Variants in SCARB2 observed in about 807,000 individuals in gnomAD.
The protein encoded by SCARB2 is scavenger receptor class B member 2, also known as lysosome membrane protein 2.
In SCARB2, 29 loss-of-function variants were observed where a neutral mutation model predicts 58.6. That is an observed-to-expected ratio of 0.49 (90% CI 0.37 to 0.67). SCARB2 has a LOEUF of 0.67. Ranked by LOEUF, SCARB2 falls within the 30% of genes least tolerant of loss-of-function variation. The pLI, the probability that SCARB2 is intolerant of heterozygous loss-of-function variation, is 0.00. For missense variants in SCARB2, 488 were observed against 578.5 expected (o/e 0.84, Z 1.60); for synonymous variants, 195 against 210.1 (o/e 0.93, Z 0.62).
At position 76,205,104 on chromosome 4, in the gene SCARB2, T is replaced by C. The variant is rs1343428548; in HGVS notation, c.117+8323A>G. Among the ~76,000 whole-genome samples the C allele has an allele frequency of 8.5e-5, 13 of 152,232 alleles. No individual in the cohort carries two copies. In the South Asian group the frequency reaches 1.9e-3, roughly 22 times the overall value. ...ACTTTAGGAGGCAAAGGTGGGAGGATTGCTTAAGCTCAGGAATTTGAGACC... is the reference window on the plus strand; with the variant it reads ...ACTTTAGGAGGCAAAGGTGGGAGGACTGCTTAAGCTCAGGAATTTGAGACC... On this transcript the variant is annotated intron_variant, in intron 1 of 11. Transcript: ENST00000264896.
chr4:76,209,608 C>A (rs1210678119), intron 1 of SCARB2, among the ~76,000 whole-genome samples: 1 of 152,148 alleles, frequency 6.6e-6, no homozygotes, highest in East Asian at 1.9e-4. Context: ...ACCTTGTGAT[C>A]CACCCGATTC....
At chr4:76,208,656 C>T (rs1026265713) in intron 1 of SCARB2, among the ~76,000 whole-genome samples, 60 of 152,298 alleles carry the variant, frequency 3.9e-4, no homozygotes, top group African/African-American at 1.1e-3. Flanking sequence ...TTTCCACTTT[C>T]GGTTGTCCTC....
intron 2 of SCARB2, chr4:76,193,597 A>G (rs982976604): frequency 6.6e-6 from 1 of 152,232 alleles, no homozygotes; most frequent in South Asian, 2.1e-4. Flanking sequence ...GAGCTTTATG[A>G]TTTAATAACT....
In SCARB2 at chr4:76,180,938, T is replaced by TA. The variant is rs768583598; in HGVS notation, c.423+15dup. 2.5e-6 allele frequency: 4 copies of TA among 1,605,526 alleles called. No individual in the cohort carries two copies. The highest frequency in any genetic ancestry group is 3.4e-6 in the Non-Finnish European group (4 of 1,175,692). On this transcript the variant is annotated intron_variant, in intron 3 of 11. Transcript: ENST00000264896. The stretch of plus-strand genomic sequence containing the variant: ...CTTCCAAAATCCAACTTAATGGTAT[T>TA]AAAATGCCTACTTACCAATACAGGA...
intron 1 of SCARB2, among the ~76,000 whole-genome samples, chr4:76,207,448 T>C (rs1207290163): frequency 6.6e-6 from 1 of 152,236 alleles, no homozygotes; most frequent in African/African-American, 2.4e-5. Flanking sequence ...GTTATATCCA[T>C]AGCTCTTAGC....
At chr4:76,200,944 T>C (rs1028863133) in intron 1 of SCARB2, among the ~76,000 whole-genome samples, 7 of 152,176 alleles carry the variant, frequency 4.6e-5, no homozygotes, top group Non-Finnish European at 1.0e-4. Context: ...AAATGCTTCA[T>C]CCATCTCAGG....
intron 1 of SCARB2, among the ~76,000 whole-genome samples, chr4:76,204,062 G>T (rs1030791446): frequency 6.6e-6 from 1 of 152,140 alleles, no homozygotes; most frequent in Non-Finnish European, 1.5e-5. Context: ...GACCAACTTG[G>T]AGAACTTGCC....
At chr4:76,162,644 C>T (rs537478829) in intron 11 of SCARB2, 1 of 159,566 alleles carries the variant, frequency 6.3e-6, no homozygotes, top group South Asian at 1.8e-4. Context: ...AAGCAGGACC[C>T]TGGCTGTCTT....
chr4:76,206,749 G>A (rs1268327438), intron 1 of SCARB2, among the ~76,000 whole-genome samples: 1 of 151,450 alleles, frequency 6.6e-6, no homozygotes, highest in African/African-American at 2.4e-5. Context: ...CCGCAGGGCT[G>A]AGGCCAGAAG....
intron 1 of SCARB2, among the ~76,000 whole-genome samples, chr4:76,212,741 G>C (rs1428035791): frequency 6.6e-6 from 1 of 152,210 alleles, no homozygotes; most frequent in East Asian, 1.9e-4. Context: ...CAATCATCTA[G>C]AGGAAGAGAC....
At position 76,195,688 on chromosome 4, in the gene SCARB2, G is replaced by A. The variant is rs1313978811; in HGVS notation, c.275+19C>T. 4.3e-6 allele frequency: 7 copies of A among 1,611,746 alleles called. No homozygotes were observed. The highest frequency in any genetic ancestry group is 5.9e-6 in the Non-Finnish European group (7 of 1,178,062). On this transcript the variant is annotated intron_variant, in intron 2 of 11. Coordinates refer to ENST00000264896, the MANE Select transcript of SCARB2 (RefSeq NM_005506.4). ...GTCACTCTGTATTTCTTTCAAGACA[G>A]GAGGTGGTCAAGACTTACCTGTAGG...
intron 1 of SCARB2, among the ~76,000 whole-genome samples, chr4:76,233,588 A>G (rs72655551): frequency 5.1e-3 from 3 of 586 alleles, no homozygotes; most frequent in Admixed American, 0.056. Context: ...ACACACACGC[A>G]CACACACACA....
At chr4:76,166,374 T>C (rs1359015222) in intron 9 of SCARB2, 73 bp from the exon 10 acceptor site, 11 of 1,439,404 alleles carry the variant, frequency 7.6e-6, no homozygotes, top group South Asian at 1.1e-5. Flanking sequence ...GACAGACACA[T>C]TTATATGAAG....
chr4:76,205,424 C>T (rs1403600756), intron 1 of SCARB2, among the ~76,000 whole-genome samples: 1 of 152,200 alleles, frequency 6.6e-6, no homozygotes, highest in African/African-American at 2.4e-5. Context: ...GTTCTTACCA[C>T]AAAACAAAGA....
At chr4:76,170,618 A>T (rs2109938401) in intron 7 of SCARB2, among the ~76,000 whole-genome samples, 1 of 152,252 alleles carries the variant, frequency 6.6e-6, no homozygotes, top group East Asian at 1.9e-4. Flanking sequence ...CCCAGGTTCA[A>T]GCAATTCTCC....
At chr4:76,166,227 G>C (rs750562389) in intron 10 of SCARB2, 23 bp downstream of exon 10, 1 of 1,613,022 alleles carries the variant, frequency 6.2e-7, no homozygotes, top group Non-Finnish European at 8.5e-7. Flanking sequence ...AACACCCGTG[G>C]CTCCCTCCGT....
At chr4:76,199,521 A>C (rs956160388) in intron 1 of SCARB2, among the ~76,000 whole-genome samples, 10 of 152,258 alleles carry the variant, frequency 6.6e-5, no homozygotes, top group African/African-American at 2.4e-4. Flanking sequence ...CAGGACATTA[A>C]CAACTGATAC....
At chr4:76,200,083 G>A (rs1451801487) in intron 1 of SCARB2, among the ~76,000 whole-genome samples, 1 of 152,132 alleles carries the variant, frequency 6.6e-6, no homozygotes, top group African/African-American at 2.4e-5. Context: ...TATTCATTCC[G>A]CCAGATACAA....
chr4:76,195,565 C>A, intron 2 of SCARB2, 142 bp downstream of exon 2: 1 of 714,372 alleles, frequency 1.4e-6, no homozygotes, highest in Non-Finnish European at 2.5e-6. Context: ...ACATACAAAA[C>A]ATCAGCAGCG....
Sources: allele counts gnomAD v4.1 joint callset (sites outside exome capture counted in the v4.1 genomes callset), GRCh38; gene constraint gnomAD v4.1.1; transcripts MANE v1.5; gene names NCBI Gene and HGNC (gene_info 2026-07-23, HGNC 2026-07-21).